Variants in PRKCH observed in about 807,000 individuals in gnomAD.
PRKCH encodes protein kinase C eta type.
A neutral mutation model predicts 82.5 loss-of-function variants in PRKCH; 28 were observed. The observed-to-expected ratio is 0.34, with a 90% confidence interval of 0.25 to 0.47. PRKCH has a LOEUF of 0.47. Among genes scored for constraint, PRKCH ranks in the 20% least tolerant of loss-of-function variants. PRKCH has a pLI of 1.00. For missense variants in PRKCH, 705 were observed against 881.8 expected (o/e 0.80, Z 2.54); for synonymous variants, 322 against 327.4 (o/e 0.98, Z 0.18).
intron 9 of PRKCH, among the ~76,000 whole-genome samples, chr14:61,470,022 T>C (rs145780686): frequency 6.9e-4 from 104 of 151,810 alleles, no homozygotes; most frequent in African/African-American, 2.4e-3. Flanking sequence ...CTGGTGACCC[T>C]CCATGGCAGC....
At chr14:61,251,155 A>T (rs1295822070) in intron 1 of PRKCH, among the ~76,000 whole-genome samples, 1 of 152,220 alleles carries the variant, frequency 6.6e-6, no homozygotes, top group African/African-American at 2.4e-5. Context: ...TGTAATAATC[A>T]CATCAAGGAA....
intron 10 of PRKCH, among the ~76,000 whole-genome samples, chr14:61,509,366 C>T (rs1035341606): frequency 2.6e-5 from 4 of 152,068 alleles, no homozygotes; most frequent in African/African-American, 9.7e-5. Context: ...GTTTGTTTGA[C>T]CATGAAGGAG....
At chr14:61,242,866 T>A (rs1168933825) in intron 1 of PRKCH, among the ~76,000 whole-genome samples, 2 of 152,230 alleles carry the variant, frequency 1.3e-5, no homozygotes, top group East Asian at 3.8e-4. Flanking sequence ...ACACGTATTG[T>A]CTAAATAATT....
chr14:61,235,650 C>T (rs999351152), intron 1 of PRKCH, among the ~76,000 whole-genome samples: 3 of 152,218 alleles, frequency 2.0e-5, no homozygotes, highest in African/African-American at 7.2e-5. Flanking sequence ...AGAGATGCAA[C>T]CACTTTACAT....
chr14:61,457,083 T>G (rs1594726907), intron 7 of PRKCH, 93 bp from the exon 8 acceptor site: 1 of 1,406,904 alleles, frequency 7.1e-7, no homozygotes, highest in East Asian at 2.4e-5. Context: ...ATACTGGGGG[T>G]GAGACTGCTC....
chr14:61,458,459 C>T (rs1221323050), intron 9 of PRKCH, among the ~76,000 whole-genome samples: 1 of 152,114 alleles, frequency 6.6e-6, no homozygotes, highest in Non-Finnish European at 1.5e-5. Flanking sequence ...AGATGCCACA[C>T]CTTGGCATGA....
intron 9 of PRKCH, among the ~76,000 whole-genome samples, chr14:61,476,029 T>C (rs1885713407): frequency 6.6e-6 from 1 of 152,216 alleles, no homozygotes; most frequent in South Asian, 2.1e-4. Context: ...ATCAAAGCTT[T>C]ATAAAGGAAA....
At chr14:61,319,695 A>G (rs905998594), upstream of PRKCH, among the ~76,000 whole-genome samples, 5 of 152,202 alleles carry the variant, frequency 3.3e-5, no homozygotes, top group African/African-American at 4.8e-5. Context: ...GTTTGGAGGA[A>G]AGGGTGACAG....
At chr14:61,460,033 G>C (rs1185310590) in intron 9 of PRKCH, among the ~76,000 whole-genome samples, 1 of 152,074 alleles carries the variant, frequency 6.6e-6, no homozygotes, top group Non-Finnish European at 1.5e-5. Context: ...TTTTTGTAGA[G>C]ATGGGGTTTT....
intron 1 of PRKCH, among the ~76,000 whole-genome samples, chr14:61,289,476 G>A (rs140903233): frequency 0.022 from 3,307 of 152,334 alleles, 68 homozygotes; most frequent in Middle Eastern, 0.054. Context: ...GGAGGCCAAG[G>A]CAAAAGGATT....
chr14:61,462,657 C>G (rs924951453), intron 9 of PRKCH, among the ~76,000 whole-genome samples: 12 of 152,214 alleles, frequency 7.9e-5, no homozygotes, highest in African/African-American at 2.9e-4. Context: ...AAGATGCTTA[C>G]TTTTTAGCTG....
At chr14:61,202,111 G>A (rs2044486160) in intron 1 of PRKCH, among the ~76,000 whole-genome samples, 1 of 152,142 alleles carries the variant, frequency 6.6e-6, no homozygotes, top group Non-Finnish European at 1.5e-5. Flanking sequence ...GTGGGATGAG[G>A]GGCTTCTTCC....
chr14:61,267,356 C>A (rs1286983364), intron 1 of PRKCH, among the ~76,000 whole-genome samples: 1 of 152,150 alleles, frequency 6.6e-6, no homozygotes, highest in African/African-American at 2.4e-5. Context: ...TTCAAGGAGA[C>A]CTCAGGGACT....
chr14:61,320,634 C>T (rs2045605514), upstream of PRKCH, among the ~76,000 whole-genome samples: 3 of 143,226 alleles, frequency 2.1e-5, no homozygotes, highest in South Asian at 6.8e-4. Flanking sequence ...AAAAAGTGGC[C>T]TAGGCTTTTT....
intron 2 of PRKCH, among the ~76,000 whole-genome samples, chr14:61,420,344 G>A (rs1882770706): frequency 1.3e-5 from 2 of 152,112 alleles, no homozygotes; most frequent in African/African-American, 4.8e-5. Flanking sequence ...CCCTTAGAAT[G>A]ATGAAAGTGT....
intron 1 of PRKCH, among the ~76,000 whole-genome samples, chr14:61,220,725 T>G (rs2044649384): frequency 6.6e-6 from 1 of 152,054 alleles, no homozygotes; most frequent in Non-Finnish European, 1.5e-5. Context: ...AGCAGATATA[T>G]TCACATCATC....
intron 12 of PRKCH, among the ~76,000 whole-genome samples, chr14:61,532,090 C>T (rs553168122): frequency 3.9e-5 from 6 of 152,288 alleles, no homozygotes; most frequent in South Asian, 2.1e-4. Flanking sequence ...TGTAAAAAAG[C>T]ATGCCAGCCT....
At chr14:61,487,556 C>T (rs112310085) in intron 10 of PRKCH, among the ~76,000 whole-genome samples, 54 of 152,206 alleles carry the variant, frequency 3.5e-4, no homozygotes, top group Non-Finnish European at 6.5e-4. Flanking sequence ...CTCCTCTCCG[C>T]GGCTAATCCA....
intron 10 of PRKCH, among the ~76,000 whole-genome samples, chr14:61,492,549 A>G (rs112095767): frequency 3.9e-5 from 6 of 152,352 alleles, no homozygotes; most frequent in African/African-American, 1.4e-4. Flanking sequence ...ATTTTGTTTC[A>G]GTCTTCAACT....
Sources: allele counts gnomAD v4.1 joint callset (sites outside exome capture counted in the v4.1 genomes callset), GRCh38; gene constraint gnomAD v4.1.1; transcripts MANE v1.5; gene names NCBI Gene and HGNC (gene_info 2026-07-23, HGNC 2026-07-21).